POFUT2: variants seen among roughly 807,000 people sequenced by gnomAD.
The protein encoded by POFUT2 is protein O-fucosyltransferase 2, also known as GDP-fucose protein O-fucosyltransferase 2.
A neutral mutation model predicts 55.0 loss-of-function variants in POFUT2; 30 were observed. The ratio of observed to expected loss-of-function variants is 0.55; its 90% CI spans 0.41 to 0.74. POFUT2 has a LOEUF of 0.74. Ranked by LOEUF, POFUT2 falls within the 30% of genes least tolerant of loss-of-function variation. The pLI is 0.00. For synonymous variants in POFUT2, 267 were observed against 231.1 expected (o/e 1.16, Z -1.41); for missense variants, 524 against 562.6 (o/e 0.93, Z 0.69).
Position 45,283,457 on chromosome 21 carries a change from G to C in POFUT2, c.453C>G (p.Thr151=). The C allele has an allele frequency of 6.2e-7, 1 of 1,613,850 alleles. No homozygotes were observed. Among genetic ancestry groups the C allele is most frequent in the Non-Finnish European group, 8.5e-7 (1 of 1,179,874 alleles). The change falls in exon 3 of 9, where the codon ACC becomes ACG. Residue 151 remains threonine (T), a synonymous_variant. Transcript: ENST00000349485. ...GCCGCTCGTCCACCTTCTCTTCCCA[G>C]GTCCCTTCTTTCCACCCCTCTGCGT... The part of the protein sequence containing the change: ...QSYAEGWKEG[T]WEEKVDERPC...
chr21:45,270,998 C>A lies in POFUT2; in HGVS notation c.832-979G>T, dbSNP rs1168963242. Among the ~76,000 whole-genome samples the A allele has an allele frequency of 2.6e-5, 4 of 152,246 alleles. No individual in the cohort carries two copies. Among genetic ancestry groups the A allele is most frequent in the East Asian group, 3.9e-4 (2 of 5,186 alleles). ...TGACAAAACAAGGTTCTATAGTACC[C>A]CCAAAAGATCATAGTAGCTCCCCAG... is the stretch of plus-strand genomic sequence containing the variant. On this transcript the variant is annotated intron_variant, in intron 6 of 8. Transcript: ENST00000349485. The surrounding 1 kb of genome is among the most constrained non-coding windows in gnomAD (Gnocchi z 4.6).
intron 6 of POFUT2, among the ~76,000 whole-genome samples, chr21:45,271,506 T>C (rs2093219540): frequency 6.6e-6 from 1 of 152,214 alleles, no homozygotes; most frequent in Non-Finnish European, 1.5e-5. Flanking sequence ...ACTTACCTGG[T>C]CTTGCTAGAG....
chr21:45,279,893 GTGA>G (rs1415010548), intron 4 of POFUT2, among the ~76,000 whole-genome samples: 2 of 152,342 alleles, frequency 1.3e-5, no homozygotes, highest in African/African-American at 4.8e-5. Flanking sequence ...GGCACGTGTG[GTGA>G]TTCCACGTGT....
Position 45,282,395 on chromosome 21 carries a change from A to G in POFUT2, c.592T>C (p.Ser198Pro). 1 of 1,613,688 alleles carries G rather than the reference A, an allele frequency of 6.2e-7. No homozygotes were observed. ...AGCAGGGGCGCCACGATGGAGGCTGAGCCCTGGACGGACAGACAGGAGACG... is the reference window on the plus strand; with the variant it reads ...AGCAGGGGCGCCACGATGGAGGCTGGGCCCTGGACGGACAGACAGGAGACG... ...LNVSCLSVQG[S>P]ASIVAPLLLR... The change falls in exon 4 of 9, where the codon TCA (serine) becomes CCA (proline). Residue 198 changes from serine to proline, a missense_variant. By Grantham distance (74) the Ser-to-Pro change is moderately conservative. This residue lies in a region of POFUT2 where 250 missense variants were observed against 318.2 expected (regional missense o/e 0.79). Transcript: ENST00000349485. This position sits in a 1 kb window ranked among gnomAD's most constrained non-coding sequence, Gnocchi z 4.6.
Position 45,277,311 on chromosome 21 carries a change from T to C in POFUT2, c.706-169A>G, listed in dbSNP as rs1046738074. 14 of 866,226 alleles carry C rather than the reference T, an allele frequency of 1.6e-5. No individual in the cohort carries two copies. Among genetic ancestry groups the C allele is most frequent in the South Asian group, 3.5e-5 (2 of 56,954 alleles). The allele number at this position is 866,226 out of a possible 1,614,324, so 53.7% of individuals were successfully genotyped here. A position where few individuals can be genotyped will look rare whatever the true frequency, so the allele number is the denominator to read the frequency against. On this transcript the variant is annotated intron_variant, in intron 5 of 8. Coordinates refer to ENST00000349485, the MANE Select transcript of POFUT2 (RefSeq NM_133635.6). The surrounding 1 kb of genome is among the most constrained non-coding windows in gnomAD (Gnocchi z 6.9). ...CAGCGCCATCCACGGTGGAGGCTCTTGGAGGGTCTCCTGCATGAAGCCAAC... is the reference window on the plus strand; with the variant it reads ...CAGCGCCATCCACGGTGGAGGCTCTCGGAGGGTCTCCTGCATGAAGCCAAC...
rs912284626 is a variant in POFUT2 at position 45,284,204 on chromosome 21, G to A, written c.383-677C>T. On this transcript the variant is annotated intron_variant, in intron 2 of 8. Transcript: ENST00000349485. The surrounding 1 kb of genome is among the most constrained non-coding windows in gnomAD (Gnocchi z 5.8). ...TGAAATTCTGGGGCAGGAACAAAGCGGGAGGGAGCATCGCGCAGGTGAAGT... is the reference window on the plus strand; with the variant it reads ...TGAAATTCTGGGGCAGGAACAAAGCAGGAGGGAGCATCGCGCAGGTGAAGT... 4.6e-5 allele frequency among the ~76,000 whole-genome samples: 7 copies of A among 151,800 alleles called. No homozygotes were observed. The South Asian group carries it at 8.3e-4, about 18-fold the overall frequency.
At position 45,285,471 on chromosome 21, in the gene POFUT2, T is replaced by G; in HGVS notation, c.382+207A>C. 1 of 649,702 alleles carries G rather than the reference T, an allele frequency of 1.5e-6. No individual in the cohort carries two copies. The highest frequency in any genetic ancestry group is 3.1e-5 in the East Asian group (1 of 32,424). 40.2% of individuals were successfully genotyped at this position (649,702 alleles called of 1,614,324 possible). On this transcript the variant is annotated intron_variant, in intron 2 of 8. Coordinates refer to ENST00000349485, the MANE Select transcript of POFUT2 (RefSeq NM_133635.6). This position sits in a 1 kb window ranked among gnomAD's most constrained non-coding sequence, Gnocchi z 4.9. ...ACTTCAGGTCCATTTCCGAGAAACA[T>G]TTTGGGAAGCTCACTGCAGCGTGGG...
In POFUT2 at chr21:45,282,278, C is replaced by T. The variant is rs531497816; in HGVS notation, c.638+71G>A. 114 of 993,860 alleles carry T rather than the reference C, an allele frequency of 1.1e-4. No individual in the cohort carries two copies. The highest frequency in any genetic ancestry group is 1.6e-4 in the Non-Finnish European group (101 of 633,690). 61.6% of individuals were successfully genotyped at this position (993,860 alleles called of 1,614,324 possible). On this transcript the variant is annotated intron_variant, in intron 4 of 8. Coordinates refer to ENST00000349485, the MANE Select transcript of POFUT2 (RefSeq NM_133635.6). This position sits in a 1 kb window ranked among gnomAD's most constrained non-coding sequence, Gnocchi z 4.6. ...GGGATGCGGGAGTATGGGCGGAGAG[C>T]CCCCAGCCCAGCATGCACGGAGCAG...
chr21:45,266,938 G>A, intron 8 of POFUT2: 1 of 1,019,382 alleles, frequency 9.8e-7, no homozygotes, highest in Non-Finnish European at 1.2e-6. Context: ...GCAGGTCTTT[G>A]GAGGAACAGA....
At chr21:45,279,072 C>G (rs1368137454) in intron 4 of POFUT2, among the ~76,000 whole-genome samples, 1 of 152,240 alleles carries the variant, frequency 6.6e-6, no homozygotes, top group Admixed American at 6.5e-5. Flanking sequence ...AATACAAAAA[C>G]GCAGAAATTT....
intron 7 of POFUT2, among the ~76,000 whole-genome samples, chr21:45,268,259 G>A (rs1408018389): frequency 6.6e-6 from 1 of 152,286 alleles, no homozygotes; most frequent in Admixed American, 6.5e-5. Flanking sequence ...TGCTGGGATT[G>A]CAGACGGAGT....
intron 6 of POFUT2, among the ~76,000 whole-genome samples, chr21:45,271,284 C>G (rs1442829650): frequency 6.6e-6 from 1 of 152,014 alleles, no homozygotes; most frequent in Admixed American, 6.5e-5. Flanking sequence ...TAGACTAGAA[C>G]AGGAGAAGAA....
Position 45,277,953 on chromosome 21 carries a change from C to G in POFUT2, c.705+150G>C. 2 of 745,946 alleles carry G rather than the reference C, an allele frequency of 2.7e-6. No homozygotes were observed. The highest frequency in any genetic ancestry group is 1.6e-5 in the South Asian group (1 of 62,196). The allele number at this position is 745,946 out of a possible 1,614,324, so 46.2% of individuals were successfully genotyped here. On this transcript the variant is annotated intron_variant, in intron 5 of 8. Coordinates refer to ENST00000349485, the MANE Select transcript of POFUT2 (RefSeq NM_133635.6). The surrounding 1 kb of genome is among the most constrained non-coding windows in gnomAD (Gnocchi z 6.9). ...AGCCACGTGAGGCTTGGGGGTGGCA[C>G]AGTCACCGCAGTTGCCCAAATCCAT...
chr21:45,277,191 A>G lies in POFUT2; in HGVS notation c.706-49T>C. ...CTGAGAACACGCCCGCCCGCCACGC[A>G]GCCCTCCCGGAGCGGGTTCTCCTGT... is the stretch of plus-strand genomic sequence containing the variant. On this transcript the variant is annotated intron_variant, in intron 5 of 8. Coordinates refer to ENST00000349485, the MANE Select transcript of POFUT2 (RefSeq NM_133635.6). This position sits in a 1 kb window ranked among gnomAD's most constrained non-coding sequence, Gnocchi z 6.9. 3 of 1,594,534 alleles carry G rather than the reference A, an allele frequency of 1.9e-6. No homozygotes were observed. The highest frequency in any genetic ancestry group is 2.6e-6 in the Non-Finnish European group (3 of 1,173,140).
chr21:45,285,484 A>G lies in POFUT2; in HGVS notation c.382+194T>C. ...TTCCGAGAAACATTTTGGGAAGCTC[A>G]CTGCAGCGTGGGAAAGGGACTGTGC... On this transcript the variant is annotated intron_variant, in intron 2 of 8. Coordinates refer to ENST00000349485, the MANE Select transcript of POFUT2 (RefSeq NM_133635.6). This position sits in a 1 kb window ranked among gnomAD's most constrained non-coding sequence, Gnocchi z 4.9. 1.4e-6 allele frequency: 1 copy of G among 691,978 alleles called. No individual in the cohort carries two copies. The highest frequency in any genetic ancestry group is 2.6e-6 in the Non-Finnish European group (1 of 385,992). 42.9% of individuals were successfully genotyped at this position (691,978 alleles called of 1,614,324 possible).
At chr21:45,283,322 CG>C in intron 3 of POFUT2, 60 bp downstream of exon 3, 1 of 713,356 alleles carries the variant, frequency 1.4e-6, no homozygotes, top group South Asian at 2.2e-5. Context: ...GGGGGGGGGA[CG>C]CATGCGGCAG....
intron 1 of POFUT2, among the ~76,000 whole-genome samples, chr21:45,286,273 TGC>T (rs1397727628): frequency 1.3e-5 from 2 of 152,258 alleles, no homozygotes; most frequent in African/African-American, 2.4e-5. Context: ...GCTGGTTATG[TGC>T]ACTATGTCTA....
At chr21:45,283,668 G>T in intron 2 of POFUT2, 141 bp from the exon 3 acceptor site, 1 of 858,104 alleles carries the variant, frequency 1.2e-6, no homozygotes, top group Non-Finnish European at 1.8e-6. Context: ...CACAAAAGCA[G>T]AGACAGGGCA....
Position 45,265,913 on chromosome 21 carries a change from TC to T in POFUT2, c.1137-279del. ...CGCCACGCTCCTGTCCCACCGCATG[TC>T]CCCCTGGGAGCCCTCCTCTCCGTCA... On this transcript the variant is annotated intron_variant, in intron 8 of 8. Transcript: ENST00000349485. The surrounding 1 kb of genome is among the most constrained non-coding windows in gnomAD (Gnocchi z 4.6). 1 of 1,300,792 alleles carries T rather than the reference TC, an allele frequency of 7.7e-7. No individual in the cohort carries two copies. The highest frequency in any genetic ancestry group is 9.9e-7 in the Non-Finnish European group (1 of 1,013,552). 80.6% of individuals were successfully genotyped at this position (1,300,792 alleles called of 1,614,324 possible). A position where few individuals can be genotyped will look rare whatever the true frequency, so the allele number is the denominator to read the frequency against.
Sources: allele counts gnomAD v4.1 joint callset (sites outside exome capture counted in the v4.1 genomes callset), GRCh38; gene constraint gnomAD v4.1.1; regional missense constraint gnomAD v4.1.1; non-coding constraint Gnocchi (gnomAD v3.1); transcripts MANE v1.5; gene names NCBI Gene and HGNC (gene_info 2026-07-23, HGNC 2026-07-21).